The following DLGAP4 variants were observed in gnomAD, a reference collection of about 807,000 sequenced individuals.
DLGAP4 encodes the protein disks large-associated protein 4.
In DLGAP4, 18 loss-of-function variants were observed where a neutral mutation model predicts 86.9. That is an observed-to-expected ratio of 0.21 (90% confidence interval 0.14 to 0.31). The LOEUF is 0.31. DLGAP4 is among the 10% of genes least tolerant of loss of function. The probability of loss-of-function intolerance (pLI) is 1.00; values close to 1 mark genes in which losing one functional copy is unlikely to be tolerated. For synonymous variants in DLGAP4, 548 were observed against 574.3 expected (o/e 0.95, Z 0.65); for missense variants, 1,085 against 1,362.6 (o/e 0.80, Z 3.21).
intron 10 of DLGAP4, among the ~76,000 whole-genome samples, chr20:36,505,124 A>G (rs2036306390): frequency 6.6e-6 from 1 of 152,052 alleles, no homozygotes; most frequent in Admixed American, 6.6e-5. Context: ...AGTAGCTGGA[A>G]TTACATGTGC....
chr20:36,499,821 T>C, intron 9 of DLGAP4, 145 bp downstream of exon 9: 1 of 363,270 alleles, frequency 2.8e-6, no homozygotes, highest in South Asian at 2.2e-5. Flanking sequence ...GGCCCAGGCA[T>C]GGGAGGCTGG....
chr20:36,500,334 C>A lies in DLGAP4; in HGVS notation c.2235C>A (p.Ile745=). 1 of 1,613,888 alleles carries A rather than the reference C, an allele frequency of 6.2e-7. No individual in the cohort carries two copies. Among genetic ancestry groups the A allele is most frequent in the Non-Finnish European group, 8.5e-7 (1 of 1,179,880 alleles). The change falls in exon 10 of 13, where the codon ATC becomes ATA. Residue 745 remains isoleucine (I), a synonymous_variant. Coordinates refer to ENST00000339266, the MANE Select transcript of DLGAP4 (RefSeq NM_001365621.2). This position sits in a 1 kb window ranked among gnomAD's most constrained non-coding sequence, Gnocchi z 4.6. ...CCCCTCACCCCAACTCCATCAGCAT[C>A]GATGCCGGTCCCCGGCAGGCCCCCA... ...DCTPHPNSIS[I]DAGPRQAPKI... is the part of the protein sequence containing the mutation.
chr20:36,436,471 C>T (rs1374578684), intron 4 of DLGAP4, 121 bp downstream of exon 4: 8 of 1,393,940 alleles, frequency 5.7e-6, no homozygotes, highest in Non-Finnish European at 7.5e-6. Context: ...AGCCACGCCC[C>T]CTTTGAGCCA....
At chr20:36,380,034 C>T (rs2031314421) in intron 2 of DLGAP4, among the ~76,000 whole-genome samples, 1 of 151,562 alleles carries the variant, frequency 6.6e-6, no homozygotes, top group African/African-American at 2.4e-5. Flanking sequence ...ATTTTAACAA[C>T]TAGCCAAGCA....
rs547641174 is a variant in DLGAP4, at chr20:36,393,579, C to T, written c.-73+26304C>T. Among the ~76,000 whole-genome samples, 19 of 152,182 alleles carry T rather than the reference C, an allele frequency of 1.2e-4. No individual in the cohort carries two copies. The South Asian group carries it at 1.5e-3, about 12-fold the overall frequency. ...CGAGCCCCTGGGGAGCACAGGGAAG[C>T]GAGCCAGCCGCTGTGGAGACTGACC... On this transcript the variant is annotated intron_variant, in intron 2 of 12. Coordinates refer to ENST00000339266, the MANE Select transcript of DLGAP4 (RefSeq NM_001365621.2). The surrounding 1 kb of genome is among the most constrained non-coding windows in gnomAD (Gnocchi z 4.4).
chr20:36,508,252 A>C (rs1455867379), intron 10 of DLGAP4: 1 of 152,204 alleles, frequency 6.6e-6, no homozygotes, highest in Non-Finnish European at 1.5e-5. Flanking sequence ...CACAGCAAAG[A>C]AGCAGTTACA....
chr20:36,328,474 G>GTT (rs111240421), intron 1 of DLGAP4, among the ~76,000 whole-genome samples: 36 of 142,098 alleles, frequency 2.5e-4, no homozygotes, highest in African/African-American at 8.2e-4. Flanking sequence ...AAACTGGCAG[G>GTT]TTTTTTTTTT....
intron 2 of DLGAP4, among the ~76,000 whole-genome samples, chr20:36,425,411 T>C (rs1263755432): frequency 1.3e-5 from 2 of 152,166 alleles, no homozygotes; most frequent in Non-Finnish European, 2.9e-5. Flanking sequence ...ATGACTATAA[T>C]TTTTTTAAAA....
chr20:36,339,348 A>G (rs797027055), intron 1 of DLGAP4, among the ~76,000 whole-genome samples: 11 of 151,940 alleles, frequency 7.2e-5, no homozygotes, highest in African/African-American at 2.4e-4. Context: ...TCAGCCTCCC[A>G]AAGTGCTGGG....
At chr20:36,396,528 TGCACACACAC>T (rs1180612573) in intron 2 of DLGAP4, among the ~76,000 whole-genome samples, 2 of 44,792 alleles carry the variant, frequency 4.5e-5, no homozygotes, top group Non-Finnish European at 9.2e-5. Context: ...TACATACACG[TGCACACACAC>T]GCACACACAC....
intron 2 of DLGAP4, among the ~76,000 whole-genome samples, chr20:36,418,291 T>C (rs1013141239): frequency 2.0e-5 from 3 of 150,800 alleles, no homozygotes; most frequent in Non-Finnish European, 4.4e-5. Flanking sequence ...TTTTTTATTT[T>C]TAGTAGAGAC....
At chr20:36,375,510 G>A in intron 2 of DLGAP4, among the ~76,000 whole-genome samples, 1 of 152,170 alleles carries the variant, frequency 6.6e-6, no homozygotes, top group East Asian at 1.9e-4. Context: ...GGAGCTACAA[G>A]GACGAATCAG....
intron 2 of DLGAP4, among the ~76,000 whole-genome samples, chr20:36,378,650 C>G (rs1174715638): frequency 6.6e-6 from 1 of 151,838 alleles, no homozygotes; most frequent in East Asian, 1.9e-4. Flanking sequence ...GCACCTGTGT[C>G]CCAAAATCTC....
At chr20:36,405,598 G>A (rs2032294760) in intron 2 of DLGAP4, among the ~76,000 whole-genome samples, 2 of 152,144 alleles carry the variant, frequency 1.3e-5, no homozygotes, top group African/African-American at 4.8e-5. Context: ...AATGATGGTG[G>A]ATGGGGCAGG....
intron 1 of DLGAP4, among the ~76,000 whole-genome samples, chr20:36,312,961 G>A (rs2065066054): frequency 6.6e-6 from 1 of 152,100 alleles, no homozygotes; most frequent in Non-Finnish European, 1.5e-5. Flanking sequence ...ACCTCTCTGG[G>A]CCTCCATCTA....
intron 8 of DLGAP4, 175 bp from the exon 9 acceptor site, chr20:36,499,413 C>T (rs541905670): frequency 8.9e-6 from 13 of 1,453,158 alleles, no homozygotes; most frequent in East Asian, 7.3e-5. Flanking sequence ...GAGCAGTGCC[C>T]GGCTTAACCT....
chr20:36,458,277 G>A (rs1302435959), intron 7 of DLGAP4, among the ~76,000 whole-genome samples: 48 of 151,218 alleles, frequency 3.2e-4, no homozygotes, highest in African/African-American at 1.1e-3. Context: ...TTGGTAGGCC[G>A]AGGCAGGCAG....
At chr20:36,426,897 G>T (rs138866764) in intron 2 of DLGAP4, among the ~76,000 whole-genome samples, 1 of 152,062 alleles carries the variant, frequency 6.6e-6, no homozygotes, top group Non-Finnish European at 1.5e-5. Flanking sequence ...ATGTTTCAGG[G>T]CTGGGTGTGG....
At chr20:36,467,160 C>T (rs980637694) in intron 7 of DLGAP4, among the ~76,000 whole-genome samples, 2 of 151,752 alleles carry the variant, frequency 1.3e-5, no homozygotes, top group African/African-American at 4.9e-5. Flanking sequence ...CCCTGAGGAA[C>T]TTATGGTCTG....
Sources: gnomAD v4.1 joint callset for allele counts (sites outside exome capture counted in the v4.1 genomes callset) on GRCh38, gnomAD v4.1.1 for gene constraint, Gnocchi (gnomAD v3.1) non-coding constraint, MANE v1.5 for transcripts, NCBI Gene and HGNC (gene_info 2026-07-23, HGNC 2026-07-21) for gene names.